The following PSME4 variants were observed in gnomAD, a reference collection of about 807,000 sequenced individuals.
PSME4 encodes proteasome activator subunit 4.
A neutral mutation model predicts 253.9 loss-of-function variants in PSME4; 89 were observed. The ratio of observed to expected loss-of-function variants is 0.35; its 90% CI spans 0.30 to 0.42. The LOEUF (loss-of-function observed/expected upper bound fraction) is 0.42. Among genes scored for constraint, PSME4 ranks in the 10% least tolerant of loss-of-function variants. PSME4 has a pLI of 1.00. For synonymous variants in PSME4, 851 were observed against 759.2 expected, an observed-to-expected ratio of 1.12 and a Z score of -1.99; for missense variants, 2,014 against 2,195.2, an observed-to-expected ratio of 0.92 and a Z score of 1.65.
intron 1 of PSME4, among the ~76,000 whole-genome samples, chr2:53,956,353 A>G (rs1458616406): frequency 6.6e-6 from 1 of 151,446 alleles, no homozygotes; most frequent in Non-Finnish European, 1.5e-5. Context: ...ACACGGTGAA[A>G]CCCCGTCTCT....
At chr2:53,925,501 A>G in intron 14 of PSME4, 38 bp downstream of exon 14, 1 of 1,466,654 alleles carries the variant, frequency 6.8e-7, no homozygotes, top group Non-Finnish European at 9.2e-7. Context: ...AATGAAACTT[A>G]AAAGCTGGAA....
chr2:53,882,043 T>C (rs1479907801), intron 41 of PSME4, among the ~76,000 whole-genome samples: 2 of 151,720 alleles, frequency 1.3e-5, no homozygotes, highest in Non-Finnish European at 2.9e-5. Flanking sequence ...ATAATTTTAA[T>C]ACATATATAT....
chr2:53,885,696 A>T lies in PSME4; in HGVS notation c.4809T>A (p.Phe1603Leu). The change falls in exon 41 of 47, where the codon TTT (phenylalanine) becomes TTA (leucine). Residue 1603 changes from phenylalanine (F) to leucine (L), a missense_variant. Physicochemically the swap from Phe to Leu is conservative, Grantham distance 22. Coordinates refer to ENST00000404125, the MANE Select transcript of PSME4 (RefSeq NM_014614.3). ...AATTTCAGCAAAACCTTACCTTGAA[A>T]AACAAAGGTAGAAGCTGAAGTTGTT... ...VTEQLQLLPL[F>L]FKIAPVENDN... is the part of the protein sequence containing the mutation. 1 of 1,609,670 alleles carries T rather than the reference A, an allele frequency of 6.2e-7. No individual in the cohort carries two copies. Among genetic ancestry groups the T allele is most frequent in the Non-Finnish European group, 8.5e-7 (1 of 1,176,284 alleles).
In PSME4 at chr2:53,920,959, A is replaced by T; in HGVS notation, c.2192T>A (p.Ile731Asn). Reference sequence around the variant, plus strand: ...CACACTGCAGTATTCTGTAGGGTAGATAAGTGTGGTAGAACGGAGAAGATG... The same window carrying T: ...CACACTGCAGTATTCTGTAGGGTAGTTAAGTGTGGTAGAACGGAGAAGATG... ...LHHLLRSTTL[I>N]YPTEYCSVPG... is the part of the protein sequence containing the mutation. Residue 731 changes from isoleucine (I) to asparagine (N), a missense_variant, in exon 18 of 47, where the codon ATC becomes AAC. Ile to Asn is a moderately radical substitution (Grantham distance 149). Coordinates refer to ENST00000404125, the MANE Select transcript of PSME4 (RefSeq NM_014614.3). 6.2e-7 allele frequency: 1 copy of T among 1,614,102 alleles called. No homozygotes were observed. The highest frequency in any genetic ancestry group is 8.5e-7 in the Non-Finnish European group (1 of 1,179,946).
At chr2:53,893,893 A>G (rs1463864884) in intron 34 of PSME4, 94 bp from the exon 35 acceptor site, 2 of 1,425,598 alleles carry the variant, frequency 1.4e-6, no homozygotes, top group Non-Finnish European at 1.8e-6. Context: ...TTGATAGTCA[A>G]AAGCAGGCTG....
At chr2:53,967,679 A>AG (rs1670809623) in intron 1 of PSME4, among the ~76,000 whole-genome samples, 17 of 139,940 alleles carry the variant, frequency 1.2e-4, no homozygotes, top group African/African-American at 4.7e-4. Context: ...AAAAAAAAAA[A>AG]GTCAAAAAGA....
In PSME4 at chr2:53,970,674, C is replaced by G. The variant is rs773792526; in HGVS notation, c.111G>C (p.Leu37=). 29 of 1,550,072 alleles carry G rather than the reference C, an allele frequency of 1.9e-5. No individual in the cohort carries two copies. The highest frequency in any genetic ancestry group is 2.6e-6 in the Non-Finnish European group (3 of 1,146,896). Residue 37 remains leucine, a synonymous_variant, in exon 1 of 47, where the codon CTG becomes CTC. Coordinates refer to ENST00000404125, the MANE Select transcript of PSME4 (RefSeq NM_014614.3). The stretch of plus-strand genomic sequence containing the variant: ...CGTCTAGCCGCTCCGCGTAGGGCAG[C>G]AGCTTGTTGTAGACGATCTCCTTCT... ...VPQKEIVYNK[L]LPYAERLDAE... is the part of the protein sequence containing the mutation.
intron 42 of PSME4, 44 bp downstream of exon 42, chr2:53,875,583 C>A (rs770968899): frequency 6.4e-7 from 1 of 1,560,364 alleles, no homozygotes. Flanking sequence ...GAATGGTAAA[C>A]CAAAATCCTA....
At chr2:53,890,061 T>G in intron 37 of PSME4, 43 bp downstream of exon 37, 1 of 1,417,092 alleles carries the variant, frequency 7.1e-7, no homozygotes, top group Non-Finnish European at 1.0e-6. Context: ...ATCAAACAGT[T>G]TGAATAGATC....
chr2:53,902,286 T>C (rs1029981121), intron 27 of PSME4, among the ~76,000 whole-genome samples: 10 of 152,216 alleles, frequency 6.6e-5, no homozygotes, highest in Non-Finnish European at 1.3e-4. Context: ...ATTTACAAAG[T>C]ACATAAAAAC....
intron 29 of PSME4, 102 bp downstream of exon 29, chr2:53,899,779 C>T: frequency 7.2e-7 from 1 of 1,394,956 alleles, no homozygotes; most frequent in Non-Finnish European, 9.8e-7. Context: ...GATCGTCTCA[C>T]TGTACTCCAG....
chr2:53,889,649 T>C (rs925264328), intron 37 of PSME4, among the ~76,000 whole-genome samples: 5 of 152,238 alleles, frequency 3.3e-5, no homozygotes, highest in Admixed American at 1.3e-4. Context: ...AAGCTGTTGT[T>C]AGCTAAATGG....
chr2:53,915,638 T>A (rs1056217539), intron 20 of PSME4, among the ~76,000 whole-genome samples: 33 of 152,112 alleles, frequency 2.2e-4, no homozygotes, highest in Non-Finnish European at 3.2e-4. Flanking sequence ...TTTGTTTTTT[T>A]ATCACTGTAC....
intron 17 of PSME4, among the ~76,000 whole-genome samples, chr2:53,921,634 C>T (rs191774156): frequency 2.2e-3 from 262 of 120,946 alleles, no homozygotes; most frequent in Middle Eastern, 0.014. Context: ...TTTGGGAGGC[C>T]GAGGCGGGCG....
Position 53,937,463 on chromosome 2 carries a change from T to G in PSME4, c.623A>C (p.Gln208Pro). Residue 208 changes from glutamine to proline, a missense_variant, in exon 5 of 47, where the codon CAA (glutamine) becomes CCA (proline). Physicochemically the swap from Gln to Pro is moderately conservative, Grantham distance 76. Coordinates refer to ENST00000404125, the MANE Select transcript of PSME4 (RefSeq NM_014614.3). ...PLMCPFDVTM[Q>P]KAITYFEIFL... ...TATTTCAAAATAAGTGATGGCCTTTTGCATGGTTACATCAAAAGGGCACAT... is the reference window on the plus strand; with the variant it reads ...TATTTCAAAATAAGTGATGGCCTTTGGCATGGTTACATCAAAAGGGCACAT... 1 of 1,611,436 alleles carries G rather than the reference T, an allele frequency of 6.2e-7. No homozygotes were observed. The highest frequency in any genetic ancestry group is 8.5e-7 in the Non-Finnish European group (1 of 1,178,140).
intron 41 of PSME4, among the ~76,000 whole-genome samples, chr2:53,876,713 A>ATCCTTTTTTTTTTTTTTTTTTTTT (rs1679139819): frequency 1.3e-5 from 1 of 77,230 alleles, no homozygotes; most frequent in African/African-American, 4.7e-5. Context: ...AGCCACTGTC[A>ATCCTTTTTTTTTTTTTTTTTTTTT]TTCTTTTTTT....
intron 35 of PSME4, 88 bp from the exon 36 acceptor site, chr2:53,893,048 G>A (rs1547980): frequency 0.076 from 95,300 of 1,259,800 alleles, 4,741 homozygotes; most frequent in East Asian, 0.26. Flanking sequence ...CATTACTAAC[G>A]TGCTTAAAAG....
At chr2:53,885,640 C>A in intron 41 of PSME4, 50 bp downstream of exon 41, 1 of 1,376,780 alleles carries the variant, frequency 7.3e-7, no homozygotes, top group Non-Finnish European at 1.0e-6. Flanking sequence ...AACACAAATT[C>A]CTTATGAAGG....
intron 33 of PSME4, among the ~76,000 whole-genome samples, 191 bp from the exon 34 acceptor site, chr2:53,895,267 T>C (rs748636668): frequency 1.6e-4 from 25 of 152,010 alleles, no homozygotes; most frequent in Non-Finnish European, 3.1e-4. Flanking sequence ...ATGGAGTAAA[T>C]AAGGAGAGAA....
Sources: allele counts gnomAD v4.1 joint callset (sites outside exome capture counted in the v4.1 genomes callset), GRCh38; gene constraint gnomAD v4.1.1; transcripts MANE v1.5; gene names NCBI Gene and HGNC (gene_info 2026-07-23, HGNC 2026-07-21).